The following MARCO variants were observed in gnomAD, a reference collection of about 807,000 sequenced individuals.
MARCO encodes macrophage receptor MARCO.
In MARCO, 72 loss-of-function variants were observed where a neutral mutation model predicts 70.0. The ratio of observed to expected loss-of-function variants is 1.03; its 90% CI spans 0.85 to 1.25. The LOEUF (loss-of-function observed/expected upper bound fraction) is 1.25, where lower values mean the gene tolerates loss of function less well. MARCO is among the 50% of genes most tolerant of loss of function. MARCO has a pLI of 0.00. For missense variants in MARCO, 696 were observed against 659.3 expected (o/e 1.06, Z -0.61); for synonymous variants, 273 against 243.1 (o/e 1.12, Z -1.14).
Position 118,990,603 on chromosome 2 carries a change from C to G in MARCO, c.1078C>G (p.Gln360Glu). 1 of 1,429,366 alleles carries G rather than the reference C, an allele frequency of 7.0e-7. No homozygotes were observed. Among genetic ancestry groups the G allele is most frequent in the Non-Finnish European group, 9.5e-7 (1 of 1,055,498 alleles). 88.5% of individuals were successfully genotyped at this position (1,429,366 alleles called of 1,614,324 possible). ...SKGDTGLQGQ[Q>E]GRKGESGVPG... ...TTTGATCTTAGGACTTCAAGGACAG[C>G]AAGGAAGAAAAGGAGAATCAGGAGT... The change falls in exon 13 of 17, where the codon CAA (glutamine) becomes GAA (glutamate). Residue 360 changes from glutamine (Q) to glutamate (E), a missense_variant. Around this residue, in one of 3 missense-constraint regions of MARCO, gnomAD observed 605 missense variants for 537.6 expected, o/e 1.13. Transcript: ENST00000327097.
intron 1 of MARCO, among the ~76,000 whole-genome samples, chr2:118,963,021 C>T (rs1384097333): frequency 6.6e-6 from 1 of 151,536 alleles, no homozygotes; most frequent in African/African-American, 2.4e-5. Flanking sequence ...TAGAGATTTG[C>T]CAATTTTATT....
intron 15 of MARCO, 30 bp from the exon 16 acceptor site, chr2:118,993,094 T>C (rs1301253467): frequency 1.9e-6 from 3 of 1,610,832 alleles, no homozygotes; most frequent in Non-Finnish European, 2.5e-6. Context: ...GGGCCTTCCT[T>C]GCCTCTCCCA....
chr2:118,981,794 C>T, intron 10 of MARCO, 138 bp downstream of exon 10: 2 of 915,170 alleles, frequency 2.2e-6, no homozygotes, highest in South Asian at 3.0e-5. Flanking sequence ...ACATCTGGCC[C>T]TGGCCAAGAG....
rs755271304 is a variant in MARCO at position 118,990,586 on chromosome 2, T to C, written c.1064-3T>C. 12 of 1,341,460 alleles carry C rather than the reference T, an allele frequency of 8.9e-6. No homozygotes were observed. The South Asian group carries it at 1.4e-4, about 15-fold the overall frequency. The allele number at this position is 1,341,460 out of a possible 1,614,324, so 83.1% of individuals were successfully genotyped here. A position where few individuals can be genotyped will look rare whatever the true frequency, so the allele number is the denominator to read the frequency against. On this transcript the variant is annotated splice_polypyrimidine_tract_variant and splice_region_variant and intron_variant, in intron 12 of 16. Transcript: ENST00000327097. Reference sequence around the variant, plus strand: ...CCCCCCCCCTTTTTTGTTTTGATCTTAGGACTTCAAGGACAGCAAGGAAGA... The same window carrying C: ...CCCCCCCCCTTTTTTGTTTTGATCTCAGGACTTCAAGGACAGCAAGGAAGA...
chr2:118,986,652 A>AAGGAAGGAAG (rs1680500410), intron 12 of MARCO, among the ~76,000 whole-genome samples: 2 of 48,442 alleles, frequency 4.1e-5, no homozygotes, highest in African/African-American at 2.3e-4. Flanking sequence ...AAAGAAAGAA[A>AAGGAAGGAAG]GAAGGAAGGA....
chr2:118,977,374 C>T (rs1479463120), intron 6 of MARCO, 97 bp from the exon 7 acceptor site: 3 of 992,484 alleles, frequency 3.0e-6, no homozygotes, highest in East Asian at 4.9e-5. Context: ...CTTCTGGGAA[C>T]CTTGCTCAAC....
chr2:118,975,869 T>C (rs982750492), intron 6 of MARCO, among the ~76,000 whole-genome samples: 1 of 152,140 alleles, frequency 6.6e-6, no homozygotes, highest in African/African-American at 2.4e-5. Context: ...ATCACACTTG[T>C]GCACATATGC....
chr2:118,951,203 C>A (rs1332149671), intron 1 of MARCO, among the ~76,000 whole-genome samples: 1 of 152,186 alleles, frequency 6.6e-6, no homozygotes, highest in African/African-American at 2.4e-5. Flanking sequence ...TGGGAGGAAC[C>A]ATCTATCATC....
At chr2:118,971,610 T>C in intron 4 of MARCO, 76 bp downstream of exon 4, 1 of 1,508,018 alleles carries the variant, frequency 6.6e-7, no homozygotes, top group Non-Finnish European at 9.2e-7. Flanking sequence ...GCCTGTGCCA[T>C]TCTGGGTCTG....
At chr2:118,968,985 C>A (rs184267254) in intron 1 of MARCO, among the ~76,000 whole-genome samples, 175 bp from the exon 2 acceptor site, 53 of 152,326 alleles carry the variant, frequency 3.5e-4, no homozygotes, top group African/African-American at 1.1e-3. Context: ...GCAATTTTTG[C>A]TTTGTGGCAA....
intron 4 of MARCO, among the ~76,000 whole-genome samples, chr2:118,973,000 T>C (rs1332699734): frequency 6.6e-6 from 1 of 151,792 alleles, no homozygotes; most frequent in African/African-American, 2.4e-5. Context: ...ACTCCAACTC[T>C]CTCTCTCCAT....
intron 12 of MARCO, among the ~76,000 whole-genome samples, chr2:118,988,351 A>AGGTGGTCACAATAAAG (rs1163220544): frequency 2.0e-5 from 3 of 151,962 alleles, no homozygotes; most frequent in African/African-American, 7.3e-5. Flanking sequence ...GCATCTCTTT[A>AGGTGGTCACAATAAAG]GGTGGTCACA....
At chr2:118,970,376 A>G in intron 3 of MARCO, 38 bp downstream of exon 3, 2 of 1,495,306 alleles carry the variant, frequency 1.3e-6, no homozygotes, top group Non-Finnish European at 1.8e-6. Flanking sequence ...ACTTCTCAAC[A>G]GAGGTCTGGG....
intron 12 of MARCO, among the ~76,000 whole-genome samples, chr2:118,987,778 T>C (rs967409604): frequency 3.3e-5 from 5 of 152,226 alleles, no homozygotes; most frequent in African/African-American, 9.6e-5. Context: ...CGGTGGGACC[T>C]AGCAAGTTGT....
At chr2:118,993,389 T>TG in intron 16 of MARCO, 89 bp downstream of exon 16, 1 of 1,345,848 alleles carries the variant, frequency 7.4e-7, no homozygotes, top group Non-Finnish European at 1.0e-6. Context: ...TGACTCAGTG[T>TG]GGTTTTCTTT....
chr2:118,950,794 TC>T (rs67047974), intron 1 of MARCO, among the ~76,000 whole-genome samples: 25,941 of 151,806 alleles, frequency 0.17, 3,008 homozygotes, highest in African/African-American at 0.33. Context: ...AATTCTCCCC[TC>T]CCCCCTTTTT....
chr2:118,991,444 T>G (rs1313596772), intron 13 of MARCO, among the ~76,000 whole-genome samples: 1 of 152,122 alleles, frequency 6.6e-6, no homozygotes, highest in Non-Finnish European at 1.5e-5. Flanking sequence ...CTATTTCAAT[T>G]CACTAAAGGA....
At chr2:118,983,091 C>T (rs1433935722) in intron 12 of MARCO, among the ~76,000 whole-genome samples, 1 of 152,236 alleles carries the variant, frequency 6.6e-6, no homozygotes. Flanking sequence ...TGAACAGAGA[C>T]TGTTGCCAGA....
At position 118,986,680 on chromosome 2, in the gene MARCO, A is replaced by AAG. The variant is rs1558671808; in HGVS notation, c.1064-3909_1064-3908insAG. On this transcript the variant is annotated intron_variant, in intron 12 of 16. Coordinates refer to ENST00000327097, the MANE Select transcript of MARCO (RefSeq NM_006770.4). ...AGGAAGGAAGGAAGGAAGGAAAGAA[A>AAG]GAAAGAAAGAAAGAAAGAAAGAAAG... 3.8e-3 allele frequency among the ~76,000 whole-genome samples: 195 copies of AAG among 50,718 alleles called. 6 individuals carry two copies. Among genetic ancestry groups the AAG allele is most frequent in the Non-Finnish European group, 5.6e-3 (150 of 26,774 alleles). 33.3% of individuals were successfully genotyped at this position (50,718 alleles called of 152,430 possible). A position where few individuals can be genotyped will look rare whatever the true frequency, so the allele number is the denominator to read the frequency against.
Sources: allele counts gnomAD v4.1 joint callset (sites outside exome capture counted in the v4.1 genomes callset), GRCh38; gene constraint gnomAD v4.1.1; regional missense constraint gnomAD v4.1.1; transcripts MANE v1.5; gene names NCBI Gene and HGNC (gene_info 2026-07-23, HGNC 2026-07-21).